Variants in KCNT1 observed in about 807,000 individuals in gnomAD.
KCNT1 encodes potassium channel subfamily T member 1.
Under a neutral mutation model 147.8 loss-of-function variants are expected in KCNT1, and 78 were observed. That is an observed-to-expected ratio of 0.53 (90% confidence interval 0.44 to 0.64). The LOEUF (loss-of-function observed/expected upper bound fraction) is 0.64. Among genes scored for constraint, KCNT1 ranks in the 30% least tolerant of loss-of-function variants. KCNT1 has a pLI of 0.00. For synonymous variants in KCNT1, 867 were observed against 748.8 expected (o/e 1.16, Z -2.58); for missense variants, 1,419 against 1,750.3 (o/e 0.81, Z 3.38).
rs573649015 is a variant in KCNT1 at position 135,715,622 on chromosome 9, G to C, written c.254+902G>C. ...TTTCCCCCAACAACGCAGTTATTCC[G>C]GTTAGCACACAAAGTACACGAGGTT... is the stretch of plus-strand genomic sequence containing the variant. On this transcript the variant is annotated intron_variant, in intron 2 of 30. Coordinates refer to ENST00000371757, the MANE Select transcript of KCNT1 (RefSeq NM_020822.3). Among the ~76,000 whole-genome samples, 6 of 141,886 alleles carry C rather than the reference G, an allele frequency of 4.2e-5. No homozygotes were observed. The Admixed American group carries it at 4.3e-4, about 10-fold the overall frequency. The allele number at this position is 141,886 out of a possible 152,430, so 93.1% of individuals were successfully genotyped here.
intron 2 of KCNT1, among the ~76,000 whole-genome samples, chr9:135,729,982 T>C (rs900393042): frequency 6.6e-6 from 1 of 152,156 alleles, no homozygotes; most frequent in African/African-American, 2.4e-5. Context: ...TGAAGGCCCT[T>C]CCCAAGCCTG....
intron 2 of KCNT1, among the ~76,000 whole-genome samples, chr9:135,731,979 T>C (rs866460077): frequency 3.5e-5 from 1 of 28,228 alleles, no homozygotes; most frequent in Non-Finnish European, 7.0e-5. Flanking sequence ...TATATATATA[T>C]ATATATATAT....
chr9:135,743,183 G>A (rs542392332), intron 2 of KCNT1, among the ~76,000 whole-genome samples: 6 of 152,186 alleles, frequency 3.9e-5, no homozygotes, highest in Middle Eastern at 6.8e-3. Flanking sequence ...TGCCTGTGCC[G>A]GTCGAGCTCC....
chr9:135,784,679 G>A (rs151180873), intron 26 of KCNT1, 61 bp downstream of exon 26: 341 of 1,608,552 alleles, frequency 2.1e-4, no homozygotes, highest in Middle Eastern at 6.6e-4. Flanking sequence ...GGGTGGATGG[G>A]CACCTGCCCC....
chr9:135,742,782 G>T (rs988103241), intron 2 of KCNT1: 2 of 717,276 alleles, frequency 2.8e-6, no homozygotes, highest in East Asian at 5.4e-5. Context: ...GCTTCCTGTA[G>T]AAGATTTCAG....
rs551526568 is a variant in KCNT1 at position 135,765,445 on chromosome 9, C to G, written c.1201-179C>G. Among the ~76,000 whole-genome samples, 3 of 152,248 alleles carry G rather than the reference C, an allele frequency of 2.0e-5. No individual in the cohort carries two copies. The East Asian group carries it at 5.8e-4, about 29-fold the overall frequency. On this transcript the variant is annotated intron_variant, in intron 12 of 30. Coordinates refer to ENST00000371757, the MANE Select transcript of KCNT1 (RefSeq NM_020822.3). ...CAGTTTACCCCTTCAGTGAGGGTGG[C>G]AGCCCACAGTCAGGTGGAGGGGCCC...
chr9:135,741,219 G>A (rs975440029), intron 2 of KCNT1, among the ~76,000 whole-genome samples: 1 of 152,210 alleles, frequency 6.6e-6, no homozygotes, highest in Non-Finnish European at 1.5e-5. Context: ...GGCCCCATGC[G>A]CAGCTCAGTA....
chr9:135,768,414 G>C, intron 13 of KCNT1, 196 bp from the exon 14 acceptor site: 1 of 537,510 alleles, frequency 1.9e-6, no homozygotes, highest in Non-Finnish European at 3.3e-6. Context: ...CAGAGAGTAG[G>C]GGCCTCCTCC....
chr9:135,783,770 C>A (rs1187543176), intron 24 of KCNT1, among the ~76,000 whole-genome samples: 1 of 152,258 alleles, frequency 6.6e-6, no homozygotes, highest in East Asian at 1.9e-4. Flanking sequence ...ACCTTCTCAT[C>A]AGAGCCCCAC....
rs766684511 is a variant in KCNT1, at chr9:135,770,896, C to G, written c.1809C>G (p.Asn603Lys). ...TCATCGGGCTGAAGCGGGAGGACAA[C>G]AAGAGCATCCTGCTGAACCCGGGGC... ...VCLIGLKRED[N>K]KSILLNPGPR... is the part of the protein sequence containing the mutation. Residue 603 changes from asparagine to lysine, a missense_variant, in exon 18 of 31, where the codon AAC becomes AAG. Physicochemically the swap from Asn to Lys is moderately conservative, Grantham distance 94 (BLOSUM62 0). Transcript: ENST00000371757. 1 of 1,600,184 alleles carries G rather than the reference C, an allele frequency of 6.2e-7. No homozygotes were observed. Among genetic ancestry groups the G allele is most frequent in the African/African-American group, 1.3e-5 (1 of 74,830 alleles).
At position 135,792,460 on chromosome 9, in the gene KCNT1, G is replaced by A. The variant is rs780991429; in HGVS notation, c.*299G>A. ...GACCAGGGCTGGCTGGGAGGGCAACGCAGGGACTGGACGCCCTACAGGGCC... is the reference window on the plus strand; with the variant it reads ...GACCAGGGCTGGCTGGGAGGGCAACACAGGGACTGGACGCCCTACAGGGCC... On this transcript the variant is annotated 3_prime_UTR_variant, in exon 31 of 31. Coordinates refer to ENST00000371757, the MANE Select transcript of KCNT1 (RefSeq NM_020822.3). 15 of 303,274 alleles carry A rather than the reference G, an allele frequency of 4.9e-5. No homozygotes were observed. The highest frequency in any genetic ancestry group is 6.3e-5 in the Non-Finnish European group (10 of 157,802). The allele number at this position is 303,274 out of a possible 1,614,324, so 18.8% of individuals were successfully genotyped here. A position where few individuals can be genotyped will look rare whatever the true frequency, so the allele number is the denominator to read the frequency against.
In KCNT1 at chr9:135,714,484, T is replaced by G. The variant is rs2131328921; in HGVS notation, c.111-93T>G. On this transcript the variant is annotated intron_variant, in intron 1 of 30. Coordinates refer to ENST00000371757, the MANE Select transcript of KCNT1 (RefSeq NM_020822.3). This position sits in a 1 kb window ranked among gnomAD's most constrained non-coding sequence, Gnocchi z 6.2. Reference sequence around the variant, plus strand: ...CCGGTGGGTCGCGGTGGCCGCGGGCTGCGCTGCGCGGGCCGGGCCTGGCGG... The same window carrying G: ...CCGGTGGGTCGCGGTGGCCGCGGGCGGCGCTGCGCGGGCCGGGCCTGGCGG... 1.1e-6 allele frequency: 1 copy of G among 872,732 alleles called. No homozygotes were observed. 54.1% of individuals were successfully genotyped at this position (872,732 alleles called of 1,614,324 possible).
intron 19 of KCNT1, 33 bp downstream of exon 19, chr9:135,772,982 G>GCGGCTCCTCCCCCCACT: frequency 7.1e-7 from 1 of 1,401,648 alleles, no homozygotes; most frequent in Non-Finnish European, 9.3e-7. Flanking sequence ...CTCCCAGTGG[G>GCGGCTCCTCCCCCCACT]GGGAGGAGCC....
intron 2 of KCNT1, among the ~76,000 whole-genome samples, chr9:135,749,367 G>A (rs369053137): frequency 6.6e-5 from 10 of 151,866 alleles, no homozygotes; most frequent in African/African-American, 1.7e-4. Flanking sequence ...TCTCAGGACC[G>A]CCGGGGCCCG....
chr9:135,706,129 G>A (rs928184412), intron 1 of KCNT1, among the ~76,000 whole-genome samples: 1 of 152,178 alleles, frequency 6.6e-6, no homozygotes, highest in Non-Finnish European at 1.5e-5. Context: ...TCACCTCTCT[G>A]GGCCTCAGTT....
chr9:135,785,825 G>A (rs1564393200), intron 28 of KCNT1: 1 of 426,696 alleles, frequency 2.3e-6, no homozygotes, highest in African/African-American at 2.0e-5. Context: ...ACACGCAGAG[G>A]GGGTGACCTC....
intron 6 of KCNT1, 91 bp from the exon 7 acceptor site, chr9:135,756,782 T>A: frequency 9.7e-7 from 1 of 1,025,782 alleles, no homozygotes; most frequent in Non-Finnish European, 1.6e-6. Flanking sequence ...ACACCTGGCT[T>A]TGTGTGGTAC....
At chr9:135,757,008 C>T in intron 7 of KCNT1, 76 bp downstream of exon 7, 3 of 1,172,402 alleles carry the variant, frequency 2.6e-6, no homozygotes, top group South Asian at 2.6e-5. Context: ...CCCACCTCCC[C>T]CACCCTCTCC....
chr9:135,787,259 G>A (rs1834130057), intron 29 of KCNT1, among the ~76,000 whole-genome samples: 1 of 151,980 alleles, frequency 6.6e-6, no homozygotes, highest in Non-Finnish European at 1.5e-5. Flanking sequence ...CCTTGTGGTG[G>A]GAAGTGTGCT....
Sources: allele counts gnomAD v4.1 joint callset (sites outside exome capture counted in the v4.1 genomes callset), GRCh38; gene constraint gnomAD v4.1.1; non-coding constraint Gnocchi (gnomAD v3.1); transcripts MANE v1.5; gene names NCBI Gene and HGNC (gene_info 2026-07-23, HGNC 2026-07-21).